The following GCSAM variants were observed in gnomAD, a reference collection of about 807,000 sequenced individuals.
The protein encoded by GCSAM is germinal center associated signaling and motility.
In GCSAM, 8 loss-of-function variants were observed where a neutral mutation model predicts 17.6. The ratio of observed to expected loss-of-function variants is 0.46; its 90% CI spans 0.27 to 0.82. The LOEUF (loss-of-function observed/expected upper bound fraction) is 0.82, where lower values mean the gene tolerates loss of function less well. Ranked by LOEUF, GCSAM falls within the 40% of genes least tolerant of loss-of-function variation. GCSAM has a pLI of 0.15. For synonymous variants in GCSAM, 68 were observed against 69.0 expected (o/e 0.98, Z 0.07); for missense variants, 192 against 213.5 (o/e 0.90, Z 0.63).
chr3:112,126,998 G>A lies in GCSAM; in HGVS notation c.179C>T (p.Ser60Phe), dbSNP rs745893410. ...KILIFEKRQD[S>F]QNENERMSST... ...AATCAATGACTTACTTTCGTTTTGG[G>A]AATCTTGCCTCTTTTCAAAAATGAG... The change falls in exon 4 of 6, where the codon TCC becomes TTC. Residue 60 changes from serine to phenylalanine, a missense_variant. Physicochemically the swap from Ser to Phe is radical, Grantham distance 155. Transcript: ENST00000308910. The A allele has an allele frequency of 6.3e-7, 1 of 1,588,838 alleles. No homozygotes were observed. Among genetic ancestry groups the A allele is most frequent in the Non-Finnish European group, 8.6e-7 (1 of 1,161,568 alleles).
In GCSAM at chr3:112,122,634, G is replaced by C. The variant is rs2074222118; in HGVS notation, c.*821C>G. The C allele has an allele frequency of 6.6e-6, 1 of 152,116 alleles. No homozygotes were observed. Among genetic ancestry groups the C allele is most frequent in the Middle Eastern group, 3.4e-3 (1 of 294 alleles). The allele number at this position is 152,116 out of a possible 1,614,324, so 9.4% of individuals were successfully genotyped here. On this transcript the variant is annotated 3_prime_UTR_variant, in exon 6 of 6. Transcript: ENST00000308910. Reference sequence around the variant, plus strand: ...TATATTGCAGAGGGCTTTCTATTTAGCATACTGGGGGAGCACTAAATTGGA... The same window carrying C: ...TATATTGCAGAGGGCTTTCTATTTACCATACTGGGGGAGCACTAAATTGGA...
rs1397211378 is a variant in GCSAM, at chr3:112,123,249, G to A, written c.*206C>T. Reference sequence around the variant, plus strand: ...AAAGATGGTTACCTCTTTCTCAAATGGTGTTGTTCAGGATAAATGGTTGAT... The same window carrying A: ...AAAGATGGTTACCTCTTTCTCAAATAGTGTTGTTCAGGATAAATGGTTGAT... On this transcript the variant is annotated 3_prime_UTR_variant, in exon 6 of 6. Transcript: ENST00000308910. The A allele has an allele frequency of 2.2e-6, 2 of 892,734 alleles. No homozygotes were observed. Among genetic ancestry groups the A allele is most frequent in the Non-Finnish European group, 3.3e-6 (2 of 609,064 alleles). 55.3% of individuals were successfully genotyped at this position (892,734 alleles called of 1,614,324 possible). A position where few individuals can be genotyped will look rare whatever the true frequency, so the allele number is the denominator to read the frequency against.
rs1183950385 is a variant in GCSAM at position 112,122,980 on chromosome 3, G to A, written c.*475C>T. ...AAAAGACATGACTTAGACACATGGA[G>A]TGAGAGGAGCAACACAGGCTCCCAT... On this transcript the variant is annotated 3_prime_UTR_variant, in exon 6 of 6. Transcript: ENST00000308910. 1.1e-5 allele frequency: 2 copies of A among 176,330 alleles called. No individual in the cohort carries two copies. Among genetic ancestry groups the A allele is most frequent in the East Asian group, 3.1e-4 (2 of 6,420 alleles). The allele number at this position is 176,330 out of a possible 1,614,324, so 10.9% of individuals were successfully genotyped here. A position where few individuals can be genotyped will look rare whatever the true frequency, so the allele number is the denominator to read the frequency against.
chr3:112,133,051 G>A (rs1313501613), intron 1 of GCSAM, 41 bp downstream of exon 1: 1 of 1,597,384 alleles, frequency 6.3e-7, no homozygotes, highest in East Asian at 2.2e-5. Flanking sequence ...GTATTGTCCT[G>A]TCCCATCTCC....
Position 112,128,081 on chromosome 3 carries a change from T to C in GCSAM, c.99-20A>G, listed in dbSNP as rs746517162. 4 of 1,610,616 alleles carry C rather than the reference T, an allele frequency of 2.5e-6. No homozygotes were observed. Among genetic ancestry groups the C allele is most frequent in the Non-Finnish European group, 1.7e-6 (2 of 1,177,024 alleles). On this transcript the variant is annotated intron_variant, in intron 2 of 5. Transcript: ENST00000308910. ...CAGCATCTAAAATACCCAAGAGAGA[T>C]GGCAAATCATAAGGTTGATTTCTGC...
intron 5 of GCSAM, among the ~76,000 whole-genome samples, chr3:112,124,791 A>G (rs1388522840): frequency 6.6e-6 from 1 of 152,182 alleles, no homozygotes. Flanking sequence ...GGGGAAAAGC[A>G]TGGATTGTGA....
At chr3:112,130,388 C>CGAAGT in intron 2 of GCSAM, 57 bp downstream of exon 2, 1 of 1,400,018 alleles carries the variant, frequency 7.1e-7, no homozygotes, top group Non-Finnish European at 1.0e-6. Context: ...CAGGGCTTGA[C>CGAAGT]ATACTTCGTT....
chr3:112,127,993 TC>T (rs1207726660), intron 3 of GCSAM, 23 bp downstream of exon 3: 1 of 1,606,078 alleles, frequency 6.2e-7, no homozygotes, highest in Non-Finnish European at 8.5e-7. Context: ...GGGAAATAAC[TC>T]CTAAAAACAA....
intron 2 of GCSAM, chr3:112,130,227 G>A (rs2107812785): frequency 1.7e-6 from 1 of 575,070 alleles, no homozygotes; most frequent in East Asian, 2.9e-5. Flanking sequence ...CTTAGTTCCT[G>A]TTGCTAGGAG....
At chr3:112,131,229 G>A (rs1440252898) in intron 1 of GCSAM, among the ~76,000 whole-genome samples, 2 of 152,148 alleles carry the variant, frequency 1.3e-5, no homozygotes, top group East Asian at 3.9e-4. Context: ...ACTGGTCTGA[G>A]GATCCACAGC....
At chr3:112,127,756 G>A (rs113850770) in intron 3 of GCSAM, among the ~76,000 whole-genome samples, 85 of 152,304 alleles carry the variant, frequency 5.6e-4, no homozygotes, top group African/African-American at 1.9e-3. Flanking sequence ...TGAAAAAAAC[G>A]TATGTTTTCT....
intron 3 of GCSAM, among the ~76,000 whole-genome samples, chr3:112,127,723 C>T (rs961094577): frequency 6.6e-6 from 1 of 152,228 alleles, no homozygotes; most frequent in African/African-American, 2.4e-5. Flanking sequence ...TGCTTCGGAA[C>T]ATGCAGACTC....
intron 3 of GCSAM, 82 bp downstream of exon 3, chr3:112,127,931 CACAG>C (rs1201124559): frequency 1.8e-6 from 2 of 1,129,530 alleles, no homozygotes; most frequent in Non-Finnish European, 2.7e-6. Flanking sequence ...CCACTGTGGC[CACAG>C]ACAGTCACAG....
chr3:112,130,794 G>T lies in GCSAM; in HGVS notation c.30-281C>A, dbSNP rs150225571. The T allele has an allele frequency of 1.4e-3, 614 of 452,614 alleles. 7 individuals are homozygous for T. In the East Asian group the frequency reaches 0.02, roughly 15 times the overall value. 28.0% of individuals were successfully genotyped at this position (452,614 alleles called of 1,614,324 possible). ...TGATCCCAAATATCCAGGGATCCTC[G>T]TCATGACCCTTGAGAGTATCCGTGT... On this transcript the variant is annotated intron_variant, in intron 1 of 5. Coordinates refer to ENST00000308910, the MANE Select transcript of GCSAM (RefSeq NM_152785.5).
chr3:112,123,501 G>T lies in GCSAM; in HGVS notation c.491C>A (p.Pro164Gln), dbSNP rs2074239188. ...HRISSHFLQQ[P>Q]RPLMAPSETQ... ...CTCAGAAGGGGCCATAAGTGGACGT[G>T]GCTGTTGCAGAAAGTGAGAGGAGAT... Residue 164 changes from proline (P) to glutamine (Q), a missense_variant, in exon 6 of 6, where the codon CCA becomes CAA. Coordinates refer to ENST00000308910, the MANE Select transcript of GCSAM (RefSeq NM_152785.5). 1.9e-6 allele frequency: 3 copies of T among 1,614,160 alleles called. No individual in the cohort carries two copies. Among genetic ancestry groups the T allele is most frequent in the Middle Eastern group, 1.6e-4 (1 of 6,062 alleles).
rs768326959 is a variant in GCSAM at position 112,128,024 on chromosome 3, G to A, written c.136C>T (p.Leu46Phe). Reference protein sequence around the residue: ...DHHIAEGCFCLPWKKILIFEK... With the variant: ...DHHIAEGCFCFPWKKILIFEK... ...AAACAACTGTCCACTCACCATGGAA[G>A]GCAGAAACACCCTTCAGCGATATGG... Residue 46 changes from leucine to phenylalanine, a missense_variant, in exon 3 of 6, where the codon CTT (leucine) becomes TTT (phenylalanine). Coordinates refer to ENST00000308910, the MANE Select transcript of GCSAM (RefSeq NM_152785.5). The A allele has an allele frequency of 9.9e-6, 16 of 1,613,454 alleles. No individual in the cohort carries two copies. The highest frequency in any genetic ancestry group is 1.4e-5 in the Non-Finnish European group (16 of 1,179,554).
chr3:112,131,126 T>C (rs2074441223), intron 1 of GCSAM: 1 of 152,388 alleles, frequency 6.6e-6, no homozygotes, highest in African/African-American at 2.4e-5. Flanking sequence ...TTGTGTGTTA[T>C]ATTTCATTTA....
chr3:112,129,308 A>G (rs1278177133), intron 2 of GCSAM: 4 of 152,210 alleles, frequency 2.6e-5, no homozygotes, highest in African/African-American at 9.7e-5. Context: ...TTTTAAATCT[A>G]TAAAAGAGGA....
rs1412240067 is a variant in GCSAM at position 112,128,133 on chromosome 3, T to C, written c.99-72A>G. The C allele has an allele frequency of 4.9e-6, 7 of 1,427,856 alleles. No individual in the cohort carries two copies. The African/African-American group carries it at 8.4e-5, about 17-fold the overall frequency. The allele number at this position is 1,427,856 out of a possible 1,614,324, so 88.4% of individuals were successfully genotyped here. On this transcript the variant is annotated intron_variant, in intron 2 of 5. Coordinates refer to ENST00000308910, the MANE Select transcript of GCSAM (RefSeq NM_152785.5). ...GCTTTGTTAAGGTGACTCCTTTCCT[T>C]TTGCCATTTCTGTGGAAAACTTTTT...
Sources: allele counts gnomAD v4.1 joint callset (sites outside exome capture counted in the v4.1 genomes callset), GRCh38; gene constraint gnomAD v4.1.1; transcripts MANE v1.5; gene names NCBI Gene and HGNC (gene_info 2026-07-23, HGNC 2026-07-21).